Variants in COL21A1 observed in about 807,000 individuals in gnomAD.
The protein encoded by COL21A1 is collagen type XXI alpha 1 chain, also known as collagen alpha-1(XXI) chain.
Under a neutral mutation model 137.9 loss-of-function variants are expected in COL21A1, and 149 were observed. That is an observed-to-expected ratio of 1.08 (90% CI 0.95 to 1.24). The LOEUF (loss-of-function observed/expected upper bound fraction) is 1.24. Ranked by LOEUF, COL21A1 falls within the 50% of genes most tolerant of loss-of-function variation. The probability of loss-of-function intolerance (pLI) is 0.00; values close to 1 mark genes in which losing one functional copy is unlikely to be tolerated. For synonymous variants in COL21A1, 456 were observed against 391.5 expected (o/e 1.16, Z -1.95); for missense variants, 1,167 against 1,158.4 (o/e 1.01, Z -0.11).
intron 1 of COL21A1, among the ~76,000 whole-genome samples, chr6:56,207,741 T>C (rs764796428): frequency 1.8e-4 from 28 of 152,030 alleles, no homozygotes; most frequent in Non-Finnish European, 3.7e-4. Flanking sequence ...AAAAAGAAAA[T>C]TTCAGGTAAA....
At chr6:56,219,408 A>G (rs529357606) in intron 1 of COL21A1, among the ~76,000 whole-genome samples, 2 of 152,046 alleles carry the variant, frequency 1.3e-5, no homozygotes, top group East Asian at 1.9e-4. Flanking sequence ...AAAGGGCCCA[A>G]TTCTTCTCCA....
At chr6:56,151,165 G>A (rs1364029638) in intron 10 of COL21A1, among the ~76,000 whole-genome samples, 1 of 152,178 alleles carries the variant, frequency 6.6e-6, no homozygotes, top group African/African-American at 2.4e-5. Flanking sequence ...GGCGGAGCTT[G>A]CAGTGAGCCG....
intron 10 of COL21A1, among the ~76,000 whole-genome samples, chr6:56,151,372 C>T (rs1199946462): frequency 6.6e-6 from 1 of 152,162 alleles, no homozygotes; most frequent in Non-Finnish European, 1.5e-5. Flanking sequence ...ATGTATAAAT[C>T]TCTGTAATGC....
intron 1 of COL21A1, among the ~76,000 whole-genome samples, chr6:56,381,048 T>C (rs1055192502): frequency 6.6e-6 from 1 of 152,132 alleles, no homozygotes; most frequent in African/African-American, 2.4e-5. Context: ...GGAGCAATAG[T>C]TCAGCAGTCG....
rs535314826 is a variant in COL21A1, at chr6:56,146,975, T to C, written c.1435-4992A>G. On this transcript the variant is annotated intron_variant, in intron 10 of 29. Coordinates refer to ENST00000244728, the MANE Select transcript of COL21A1 (RefSeq NM_030820.4). ...GAGCTAAGCACATAAATGAAAAACA[T>C]TGCCTACCTTTGACAAATAATCTCT... Among the ~76,000 whole-genome samples the C allele has an allele frequency of 2.0e-5, 3 of 152,248 alleles. No individual in the cohort carries two copies. In the East Asian group the frequency reaches 5.8e-4, roughly 29 times the overall value.
intron 1 of COL21A1, among the ~76,000 whole-genome samples, chr6:56,282,206 GT>G (rs1763801704): frequency 6.6e-6 from 1 of 152,020 alleles, no homozygotes; most frequent in Non-Finnish European, 1.5e-5. Flanking sequence ...TCAAAATTTT[GT>G]TACAGTTGTA....
At chr6:56,068,321 T>C (rs185375743) in intron 22 of COL21A1, among the ~76,000 whole-genome samples, 29 of 151,724 alleles carry the variant, frequency 1.9e-4, no homozygotes, top group Admixed American at 1.8e-3. Context: ...TTTTCCAGAA[T>C]AAAAACCGAT....
At chr6:56,193,126 T>C (rs1239349280) in intron 1 of COL21A1, among the ~76,000 whole-genome samples, 1 of 151,966 alleles carries the variant, frequency 6.6e-6, no homozygotes, top group African/African-American at 2.4e-5. Flanking sequence ...TGAGAACACA[T>C]GGACCCAGGG....
chr6:56,312,612 T>A (rs1468305655), intron 1 of COL21A1, among the ~76,000 whole-genome samples: 1 of 152,128 alleles, frequency 6.6e-6, no homozygotes, highest in African/African-American at 2.4e-5. Context: ...AGGAATAATA[T>A]ACAGCTATCA....
Position 56,349,346 on chromosome 6 carries a change from GAAAA to G in COL21A1, c.-39+44621_-39+44624del, listed in dbSNP as rs60307280. Reference sequence around the variant, plus strand: ...CTAAACCATAAAGACCCGCCCCCCTGAAAAAAAAAAAAAATTTAACCACATAGAC... The same window carrying G: ...CTAAACCATAAAGACCCGCCCCCCTGAAAAAAAAAATTTAACCACATAGAC... On this transcript the variant is annotated intron_variant, in intron 1 of 28. Coordinates refer to the COL21A1 transcript ENST00000370819. 4.8e-5 allele frequency among the ~76,000 whole-genome samples: 7 copies of G among 146,904 alleles called. No individual in the cohort carries two copies. The East Asian group carries it at 7.9e-4, about 16-fold the overall frequency.
intron 1 of COL21A1, among the ~76,000 whole-genome samples, chr6:56,369,765 C>A (rs72875556): frequency 6.6e-6 from 1 of 151,936 alleles, no homozygotes. Flanking sequence ...GCCATAAATA[C>A]GAAAAAATTG....
chr6:56,071,255 A>G (rs2114097155), intron 20 of COL21A1, among the ~76,000 whole-genome samples: 1 of 151,776 alleles, frequency 6.6e-6, no homozygotes, highest in Non-Finnish European at 1.5e-5. Context: ...AAGAAGTGTG[A>G]ATCAGAAAAT....
intron 16 of COL21A1, among the ~76,000 whole-genome samples, chr6:56,114,265 G>A (rs1186405889): frequency 6.6e-6 from 1 of 152,206 alleles, no homozygotes; most frequent in African/African-American, 2.4e-5. Flanking sequence ...GTGAGACCCA[G>A]TGCTGTGCTG....
chr6:56,155,774 CT>C (rs1775695676), intron 10 of COL21A1, among the ~76,000 whole-genome samples: 2 of 151,690 alleles, frequency 1.3e-5, no homozygotes, highest in South Asian at 2.1e-4. Flanking sequence ...TTTTGTATTT[CT>C]TTTTTTTAAT....
intron 10 of COL21A1, among the ~76,000 whole-genome samples, chr6:56,145,982 A>C (rs1409168205): frequency 2.0e-5 from 3 of 152,066 alleles, no homozygotes; most frequent in African/African-American, 7.2e-5. Context: ...TATGTATAGC[A>C]TTGAAATGGA....
intron 10 of COL21A1, among the ~76,000 whole-genome samples, chr6:56,149,034 G>C (rs66860730): frequency 0.065 from 9,887 of 152,236 alleles, 447 homozygotes; most frequent in Non-Finnish European, 0.099. Context: ...CAGCCTTTTA[G>C]GCAGCCCTAT....
intron 1 of COL21A1, among the ~76,000 whole-genome samples, chr6:56,271,649 T>G (rs956733418): frequency 1.3e-5 from 2 of 152,190 alleles, no homozygotes; most frequent in East Asian, 3.8e-4. Context: ...CCAGAGCATG[T>G]CAGAGACCTT....
rs1043536062 is a variant in COL21A1, at chr6:56,211,389, T to C, written c.-38-28733A>G. Among the ~76,000 whole-genome samples, 30 of 151,984 alleles carry C rather than the reference T, an allele frequency of 2.0e-4. 1 individual carries two copies. Among genetic ancestry groups the C allele is most frequent in the African/African-American group, 6.5e-4 (27 of 41,432 alleles). The stretch of plus-strand genomic sequence containing the variant: ...TAGAAAAAAATTAACCCAGTTAGTC[T>C]TGTTTTACTCTTACTTTAAACCTTT... On this transcript the variant is annotated intron_variant, in intron 1 of 29. Transcript: ENST00000244728.
chr6:56,147,095 A>C (rs948163296), intron 10 of COL21A1, among the ~76,000 whole-genome samples: 19 of 152,146 alleles, frequency 1.2e-4, no homozygotes, highest in African/African-American at 4.3e-4. Flanking sequence ...ACTTATACTA[A>C]GCTTATTTCA....
Sources: gnomAD v4.1 joint callset for allele counts (sites outside exome capture counted in the v4.1 genomes callset) on GRCh38, gnomAD v4.1.1 for gene constraint, MANE v1.5 for transcripts, NCBI Gene and HGNC (gene_info 2026-07-23, HGNC 2026-07-21) for gene names.